The following C12orf42 variants were observed in gnomAD, a reference collection of about 807,000 sequenced individuals.
The protein encoded by C12orf42 is uncharacterized protein C12orf42.
Under a neutral mutation model 21.6 loss-of-function variants are expected in C12orf42, and 25 were observed. The ratio of observed to expected loss-of-function variants is 1.16; its 90% CI spans 0.84 to 1.62. C12orf42 has a LOEUF of 1.62. C12orf42 is among the 40% of genes most tolerant of loss of function. The probability of loss-of-function intolerance (pLI) is 0.00; values close to 1 mark genes in which losing one functional copy is unlikely to be tolerated. For synonymous variants in C12orf42, 174 were observed against 175.0 expected, an observed-to-expected ratio of 0.99 and a Z score of 0.05; for missense variants, 483 against 459.3, an observed-to-expected ratio of 1.05 and a Z score of -0.47.
Position 103,283,684 on chromosome 12 carries a change from A to G in C12orf42, n.338-6474T>C, listed in dbSNP as rs533251292. On this transcript the variant is annotated intron_variant and non_coding_transcript_variant, in intron 4 of 6. Coordinates refer to the C12orf42 transcript ENST00000546526. Reference sequence around the variant, plus strand: ...GCCTCTGACTAAGTCATTTTCTCCTATTATGCTTTCTGACAGCATCATCTA... The same window carrying G: ...GCCTCTGACTAAGTCATTTTCTCCTGTTATGCTTTCTGACAGCATCATCTA... Among the ~76,000 whole-genome samples the G allele has an allele frequency of 2.3e-4, 35 of 152,222 alleles. 2 individuals carry two copies. In the South Asian group the frequency reaches 3.9e-3, roughly 17 times the overall value.
At chr12:103,509,652 C>T in the C12orf42 span, among the ~76,000 whole-genome samples, 4 of 152,144 alleles carry the variant, frequency 2.6e-5, no homozygotes, top group African/African-American at 9.7e-5. Context: ...GCACTGCAAA[C>T]TAACTAGCTT....
chr12:103,049,971 A>G, the C12orf42 span, among the ~76,000 whole-genome samples: 2 of 152,070 alleles, frequency 1.3e-5, no homozygotes, highest in African/African-American at 2.4e-5. Context: ...TGGATGCTCC[A>G]TGTATTTATT....
chr12:103,345,761 C>G (rs1475170191), intron 4 of C12orf42, among the ~76,000 whole-genome samples: 1 of 152,046 alleles, frequency 6.6e-6, no homozygotes, highest in African/African-American at 2.4e-5. Context: ...AGTAAGTCAA[C>G]TGGGTATAAT....
At chr12:103,183,462 T>A in the C12orf42 span, among the ~76,000 whole-genome samples, 1 of 152,226 alleles carries the variant, frequency 6.6e-6, no homozygotes, top group African/African-American at 2.4e-5. Flanking sequence ...ATCTTTATTT[T>A]TATTTTGTCA....
At chr12:103,546,038 G>A in the C12orf42 span, among the ~76,000 whole-genome samples, 1 of 152,086 alleles carries the variant, frequency 6.6e-6, no homozygotes, top group East Asian at 1.9e-4. Context: ...GCATTATTTT[G>A]CCTTCATGAT....
chr12:103,246,288 A>G (rs1318580795), intron 10 of C12orf42, among the ~76,000 whole-genome samples: 1 of 152,102 alleles, frequency 6.6e-6, no homozygotes, highest in Non-Finnish European at 1.5e-5. Context: ...CACCTCTCTC[A>G]ATACCAAATC....
chr12:103,524,828 A>C, the C12orf42 span, among the ~76,000 whole-genome samples: 1 of 152,188 alleles, frequency 6.6e-6, no homozygotes, highest in African/African-American at 2.4e-5. Flanking sequence ...GTGATATCAC[A>C]GTGACAAGAA....
intron 4 of C12orf42, 37 bp from the exon 5 acceptor site, chr12:103,306,382 C>A (rs1359042093): frequency 2.0e-6 from 3 of 1,537,550 alleles, no homozygotes; most frequent in Non-Finnish European, 1.8e-6. Context: ...AAAAATTCAC[C>A]AAAAACACCT....
the C12orf42 span, among the ~76,000 whole-genome samples, chr12:103,100,096 G>A: frequency 2.0e-5 from 3 of 152,326 alleles, no homozygotes; most frequent in African/African-American, 7.2e-5. Context: ...TTGCTTGGAT[G>A]AGGAAATCAA....
At chr12:103,337,543 G>A (rs190778746) in intron 4 of C12orf42, among the ~76,000 whole-genome samples, 3 of 152,170 alleles carry the variant, frequency 2.0e-5, no homozygotes, top group South Asian at 2.1e-4. Flanking sequence ...TAGTAGAGAC[G>A]GGGTTTCACA....
chr12:103,127,788 T>C, the C12orf42 span, among the ~76,000 whole-genome samples: 1 of 152,226 alleles, frequency 6.6e-6, no homozygotes, highest in Admixed American at 6.5e-5. Flanking sequence ...GAAACCTTGA[T>C]ACATATGAAT....
intron 5 of C12orf42, among the ~76,000 whole-genome samples, chr12:103,274,533 G>A (rs1445718947): frequency 1.3e-5 from 2 of 151,992 alleles, no homozygotes; most frequent in Non-Finnish European, 2.9e-5. Flanking sequence ...TTCCTCACTT[G>A]TTACCCTTTC....
chr12:103,095,652 G>T, the C12orf42 span, among the ~76,000 whole-genome samples: 1 of 152,038 alleles, frequency 6.6e-6, no homozygotes, highest in Non-Finnish European at 1.5e-5. Flanking sequence ...TTATTTTTCT[G>T]TCTTTCCCTG....
the C12orf42 span, among the ~76,000 whole-genome samples, chr12:103,215,222 A>T: frequency 6.6e-6 from 1 of 152,096 alleles, no homozygotes; most frequent in East Asian, 1.9e-4. Flanking sequence ...ACACTTTATT[A>T]TATTAATACT....
the C12orf42 span, among the ~76,000 whole-genome samples, chr12:103,072,840 G>A: frequency 6.6e-6 from 1 of 152,094 alleles, no homozygotes; most frequent in Admixed American, 6.6e-5. Context: ...GATTTTTAAA[G>A]GAATATAAAT....
chr12:103,333,154 T>A (rs2041392180), intron 4 of C12orf42, among the ~76,000 whole-genome samples: 1 of 152,136 alleles, frequency 6.6e-6, no homozygotes, highest in South Asian at 2.1e-4. Flanking sequence ...TTGCCACATT[T>A]CTCCTTCAGA....
intron 4 of C12orf42, among the ~76,000 whole-genome samples, chr12:103,326,537 C>G (rs1481202996): frequency 6.6e-5 from 10 of 152,294 alleles, no homozygotes. Context: ...ACTTACATAC[C>G]TTACCACCCT....
chr12:103,536,237 G>A, the C12orf42 span, among the ~76,000 whole-genome samples: 1 of 152,210 alleles, frequency 6.6e-6, no homozygotes, highest in South Asian at 2.1e-4. Context: ...CAACAAAGTA[G>A]ATGATGGGAC....
At chr12:103,050,264 A>G in the C12orf42 span, among the ~76,000 whole-genome samples, 1 of 151,686 alleles carries the variant, frequency 6.6e-6, no homozygotes, top group Admixed American at 6.6e-5. Context: ...ATCAAATGGT[A>G]TATTGAATAA....
Sources: gnomAD v4.1 joint callset for allele counts (sites outside exome capture counted in the v4.1 genomes callset) on GRCh38, gnomAD v4.1.1 for gene constraint, MANE v1.5 for transcripts, NCBI Gene and HGNC (gene_info 2026-07-23, HGNC 2026-07-21) for gene names.